N4BP2: variants seen among roughly 807,000 people sequenced by gnomAD.
N4BP2 encodes NEDD4 binding protein 2.
N4BP2 carries 91 observed loss-of-function variants against 152.8 expected under a neutral mutation model. The observed-to-expected ratio is 0.60, with a 90% CI of 0.50 to 0.71. The LOEUF (loss-of-function observed/expected upper bound fraction) is 0.71. Among genes scored for constraint, N4BP2 ranks in the 30% least tolerant of loss-of-function variants. The pLI, the probability that N4BP2 is intolerant of heterozygous loss-of-function variation, is 0.00. For missense variants in N4BP2, 1,923 were observed against 2,059.1 expected (o/e 0.93, Z 1.28); for synonymous variants, 646 against 705.3 (o/e 0.92, Z 1.33).
At chr4:40,114,201 T>C (rs908570301) in intron 7 of N4BP2, among the ~76,000 whole-genome samples, 4 of 152,180 alleles carry the variant, frequency 2.6e-5, no homozygotes, top group Non-Finnish European at 5.9e-5. Flanking sequence ...TATACTTCCA[T>C]AGAGATAGCC....
chr4:40,120,520 G>T lies in N4BP2; in HGVS notation c.2409G>T (p.Arg803Ser). The T allele has an allele frequency of 6.2e-7, 1 of 1,613,326 alleles. No individual in the cohort carries two copies. ...AGACTATTGGTCAGAGGACAAAAAG[G>T]AACAGAAAAACTGAAAAAACTTCAT... Reference protein sequence around the residue: ...VDKTIGQRTKRNRKTEKTSSV... With the variant: ...VDKTIGQRTKSNRKTEKTSSV... The change falls in exon 9 of 18, where the codon AGG (arginine) becomes AGT (serine). Residue 803 changes from arginine (R) to serine (S), a missense_variant. Physicochemically the swap from Arg to Ser is moderately radical, Grantham distance 110. Transcript: ENST00000261435.
At chr4:40,071,882 A>T (rs924764918) in intron 1 of N4BP2, among the ~76,000 whole-genome samples, 32 of 151,016 alleles carry the variant, frequency 2.1e-4, no homozygotes, top group Middle Eastern at 3.4e-3. Flanking sequence ...TTCTTTTTTT[A>T]AAAAACATTT....
At chr4:40,107,171 C>T in intron 5 of N4BP2, 147 bp downstream of exon 5, 1 of 734,846 alleles carries the variant, frequency 1.4e-6, no homozygotes, top group South Asian at 1.9e-5. Flanking sequence ...ATGATCTTGG[C>T]TCACTGCAGC....
intron 1 of N4BP2, among the ~76,000 whole-genome samples, chr4:40,066,589 G>T (rs1023812205): frequency 1.3e-5 from 2 of 151,942 alleles, no homozygotes; most frequent in Non-Finnish European, 2.9e-5. Flanking sequence ...CAAAGTGCTG[G>T]GATTACAGGT....
chr4:40,111,336 T>C (rs1560603712), intron 5 of N4BP2, among the ~76,000 whole-genome samples: 1 of 152,198 alleles, frequency 6.6e-6, no homozygotes, highest in African/African-American at 2.4e-5. Context: ...GTGGGGTTTT[T>C]TTGAGACGGA....
chr4:40,103,879 G>A (rs116466687), intron 4 of N4BP2, among the ~76,000 whole-genome samples: 2 of 152,254 alleles, frequency 1.3e-5, no homozygotes, highest in Non-Finnish European at 2.9e-5. Context: ...TCCTTGAAGA[G>A]TATTGTTTTC....
chr4:40,162,759 A>C (rs969964128), downstream of N4BP2, among the ~76,000 whole-genome samples: 1 of 152,140 alleles, frequency 6.6e-6, no homozygotes, highest in Non-Finnish European at 1.5e-5. Context: ...TAGATAGGGG[A>C]TTTATCAGGA....
chr4:40,097,552 CT>C lies in N4BP2; in HGVS notation c.213del (p.Glu72AsnfsTer14), dbSNP rs1189925528. 5 of 1,611,120 alleles carry C rather than the reference CT, an allele frequency of 3.1e-6. No homozygotes were observed. Among genetic ancestry groups the C allele is most frequent in the Non-Finnish European group, 4.2e-6 (5 of 1,177,498 alleles). On this transcript the variant is annotated frameshift_variant, in exon 3 of 18. Coordinates refer to ENST00000261435, the MANE Select transcript of N4BP2 (RefSeq NM_018177.6). LOFTEE classifies it high-confidence loss of function. ...LDPDVVYLML[S>X]ECDFKVENAM... ...CCTGATGTAGTGTATTTGATGCTTT[CT>C]GAATGTGATTTCAAAGGTGAGAAAA...
At position 40,126,243 on chromosome 4, in the gene N4BP2, A is replaced by G. The variant is rs145410522; in HGVS notation, c.4440A>G (p.Leu1480=). The change falls in exon 12 of 18, where the codon TTA becomes TTG. Residue 1480 remains leucine (L), a synonymous_variant. Transcript: ENST00000261435. The part of the protein sequence containing the change: ...KTLTASEMLP[L]LDHWNTQTKK... ...TAACAGCATCTGAAATGCTACCTTT[A>G]TTGGATCATTGGAATACTCAAACTA... 1.1e-4 allele frequency: 171 copies of G among 1,605,402 alleles called. No homozygotes were observed. In the African/African-American group the frequency reaches 1.9e-3, roughly 18 times the overall value.
chr4:40,121,594 A>C lies in N4BP2; in HGVS notation c.3483A>C (p.Glu1161Asp), dbSNP rs1392147819. The C allele has an allele frequency of 1.9e-6, 3 of 1,614,026 alleles. No homozygotes were observed. Among genetic ancestry groups the C allele is most frequent in the Non-Finnish European group, 2.5e-6 (3 of 1,180,030 alleles). Residue 1161 changes from glutamate to aspartate, a missense_variant, in exon 9 of 18, where the codon GAA becomes GAC. Glu to Asp is a conservative substitution (Grantham distance 45, BLOSUM62 2). Transcript: ENST00000261435. ...TTTCTCTGGGGTTGAATTTGAAAGA[A>C]ATTATTAGCCAAAGAGGAACTTTAG... ...GPFSLGLNLK[E>D]IISQRGTLEN...
At chr4:40,060,107 T>G (rs1053022221) in intron 1 of N4BP2, among the ~76,000 whole-genome samples, 1 of 152,170 alleles carries the variant, frequency 6.6e-6, no homozygotes, top group Non-Finnish European at 1.5e-5. Context: ...GCGCTGAGAT[T>G]ACAGGCGTGA....
At chr4:40,100,146 C>G (rs1715496041) in intron 3 of N4BP2, 1 of 445,100 alleles carries the variant, frequency 2.2e-6, no homozygotes, top group Middle Eastern at 3.3e-4. Context: ...TTTATTATCC[C>G]CATATTACAA....
intron 5 of N4BP2, 143 bp from the exon 6 acceptor site, chr4:40,111,941 T>C: frequency 1.9e-6 from 1 of 526,830 alleles, no homozygotes; most frequent in Non-Finnish European, 3.4e-6. Flanking sequence ...AATTTTTATG[T>C]CCTCAAAGGG....
At chr4:40,106,766 C>T in intron 4 of N4BP2, 134 bp from the exon 5 acceptor site, 1 of 773,868 alleles carries the variant, frequency 1.3e-6, no homozygotes, top group Non-Finnish European at 2.0e-6. Flanking sequence ...CCAGGCTGGC[C>T]TTGAACTCCT....
intron 11 of N4BP2, 77 bp from the exon 12 acceptor site, chr4:40,126,057 T>A (rs1718372720): frequency 1.1e-6 from 1 of 905,652 alleles, no homozygotes; most frequent in African/African-American, 1.7e-5. Flanking sequence ...GTCTCTGAGG[T>A]AAATATAACA....
chr4:40,166,228 C>T, the N4BP2 span, among the ~76,000 whole-genome samples: 4 of 152,134 alleles, frequency 2.6e-5, no homozygotes, highest in African/African-American at 7.2e-5. Flanking sequence ...AGTTTTTTCC[C>T]TGTTTCACAT....
chr4:40,071,075 A>G (rs1382581141), intron 1 of N4BP2, among the ~76,000 whole-genome samples: 2 of 151,854 alleles, frequency 1.3e-5, no homozygotes, highest in Non-Finnish European at 2.9e-5. Flanking sequence ...TCAGTCAAGA[A>G]CTACCCGTTG....
chr4:40,185,567 G>T, the N4BP2 span, among the ~76,000 whole-genome samples: 5 of 151,910 alleles, frequency 3.3e-5, no homozygotes, highest in Admixed American at 6.6e-5. Flanking sequence ...TGTAAAGCTT[G>T]TTTTGTTTTT....
At position 40,121,775 on chromosome 4, in the gene N4BP2, C is replaced by G. The variant is rs1717946687; in HGVS notation, c.3664C>G (p.Pro1222Ala). 1.9e-6 allele frequency: 3 copies of G among 1,613,824 alleles called. No individual in the cohort carries two copies. The highest frequency in any genetic ancestry group is 2.7e-5 in the African/African-American group (2 of 74,908). ...ENHESMTSIF[P>A]SAAVGLKNNN... ...CCATGAATCGATGACAAGTATATTT[C>G]CCAGTGCTGCTGTGGGTCTAAAGAA... The change falls in exon 9 of 18, where the codon CCC (proline) becomes GCC (alanine). Residue 1222 changes from proline to alanine, a missense_variant. Pro to Ala is a conservative substitution (Grantham distance 27, BLOSUM62 -1). Coordinates refer to ENST00000261435, the MANE Select transcript of N4BP2 (RefSeq NM_018177.6).
Sources: allele counts gnomAD v4.1 joint callset (sites outside exome capture counted in the v4.1 genomes callset), GRCh38; gene constraint gnomAD v4.1.1; transcripts MANE v1.5; gene names NCBI Gene and HGNC (gene_info 2026-07-23, HGNC 2026-07-21).